Variants in LINGO2 observed in about 807,000 individuals in gnomAD.
The protein encoded by LINGO2 is leucine-rich repeat and immunoglobulin-like domain-containing nogo receptor-interacting protein 2.
Under a neutral mutation model 30.6 loss-of-function variants are expected in LINGO2, and 14 were observed. That is an observed-to-expected ratio of 0.46 (90% CI 0.30 to 0.72). The LOEUF (loss-of-function observed/expected upper bound fraction) is 0.72. LINGO2 is among the 30% of genes least tolerant of loss of function. The probability of loss-of-function intolerance (pLI) is 0.07; values close to 1 mark genes in which losing one functional copy is unlikely to be tolerated. For synonymous variants in LINGO2, 317 were observed against 288.5 expected (o/e 1.10, Z -1.00); for missense variants, 729 against 751.7 (o/e 0.97, Z 0.35).
the LINGO2 span, among the ~76,000 whole-genome samples, chr9:29,072,243 A>G: frequency 2.0e-5 from 3 of 152,144 alleles, no homozygotes; most frequent in African/African-American, 7.2e-5. Flanking sequence ...ATCTCCATAA[A>G]GACTAAATTT....
chr9:28,064,169 C>T (rs899646745), intron 4 of LINGO2, among the ~76,000 whole-genome samples: 1 of 152,134 alleles, frequency 6.6e-6, no homozygotes, highest in Admixed American at 6.6e-5. Flanking sequence ...AGAGAAATGT[C>T]TAATCACCTT....
chr9:28,625,359 G>T (rs555023216), intron 1 of LINGO2, among the ~76,000 whole-genome samples: 1 of 152,246 alleles, frequency 6.6e-6, no homozygotes, highest in South Asian at 2.1e-4. Flanking sequence ...GCCAGGAGAT[G>T]GGGGAGAGGT....
rs1041225081 is a variant in LINGO2, at chr9:28,148,992, C to T, written c.-86-136587G>A. 81 of 1,534,280 alleles carry T rather than the reference C, an allele frequency of 5.3e-5. No individual in the cohort carries two copies. Among genetic ancestry groups the T allele is most frequent in the African/African-American group, 4.2e-4 (31 of 73,090 alleles). On this transcript the variant is annotated intron_variant, in intron 4 of 5. Coordinates refer to ENST00000379992, the Ensembl canonical transcript of LINGO2. The surrounding 1 kb of genome is among the most constrained non-coding windows in gnomAD (Gnocchi z 5.1). The stretch of plus-strand genomic sequence containing the variant: ...TCGGGGCCACCGCTGCAGCTGCAAC[C>T]GACCCCTCCCCTGCAACTGAGGTGG...
the LINGO2 span, among the ~76,000 whole-genome samples, chr9:28,734,936 T>C: frequency 7.9e-5 from 12 of 152,308 alleles, no homozygotes; most frequent in South Asian, 1.4e-3. Flanking sequence ...ATCAGCATAA[T>C]TTAAAAATTC....
chr9:28,915,932 G>A, the LINGO2 span, among the ~76,000 whole-genome samples: 1 of 152,042 alleles, frequency 6.6e-6, no homozygotes, highest in African/African-American at 2.4e-5. Flanking sequence ...ATAAACGGTC[G>A]CGAATTTCTG....
the LINGO2 span, among the ~76,000 whole-genome samples, chr9:29,053,984 A>G: frequency 2.0e-5 from 3 of 152,082 alleles, no homozygotes; most frequent in Non-Finnish European, 4.4e-5. Context: ...GAATTTATAA[A>G]TATTAACTTA....
the LINGO2 span, among the ~76,000 whole-genome samples, chr9:29,159,145 T>C: frequency 3.3e-5 from 5 of 152,254 alleles, no homozygotes; most frequent in Non-Finnish European, 7.4e-5. Flanking sequence ...ATACTGAAGA[T>C]GGAGTTATCT....
At chr9:28,023,553 G>A (rs934230543) in intron 4 of LINGO2, among the ~76,000 whole-genome samples, 8 of 152,092 alleles carry the variant, frequency 5.3e-5, no homozygotes, top group African/African-American at 1.7e-4. Flanking sequence ...GTGGGCTTGC[G>A]TTTTGTGGTT....
chr9:29,152,283 C>T, the LINGO2 span, among the ~76,000 whole-genome samples: 3 of 152,126 alleles, frequency 2.0e-5, no homozygotes, highest in Non-Finnish European at 4.4e-5. Flanking sequence ...ACAAAACTAC[C>T]AATCAACCCA....
Position 28,036,611 on chromosome 9 carries a change from G to A in LINGO2, c.-86-24206C>T, listed in dbSNP as rs534702679. On this transcript the variant is annotated intron_variant, in intron 4 of 5. Transcript: ENST00000379992. Reference sequence around the variant, plus strand: ...AAAAGTGTTGCTTTGGGAAATATGCGAAGAATGACAAAGGGACAAGACTTT... The same window carrying A: ...AAAAGTGTTGCTTTGGGAAATATGCAAAGAATGACAAAGGGACAAGACTTT... Among the ~76,000 whole-genome samples the A allele has an allele frequency of 2.4e-4, 37 of 152,304 alleles. 1 individual carries two copies. Among genetic ancestry groups the A allele is most frequent in the African/African-American group, 8.7e-4 (36 of 41,560 alleles).
At chr9:28,789,224 A>G in the LINGO2 span, among the ~76,000 whole-genome samples, 1 of 152,146 alleles carries the variant, frequency 6.6e-6, no homozygotes, top group Non-Finnish European at 1.5e-5. Context: ...TCCTTTAATG[A>G]AAGTATCTAA....
At chr9:28,153,220 T>A (rs548516353) in intron 4 of LINGO2, among the ~76,000 whole-genome samples, 1 of 152,314 alleles carries the variant, frequency 6.6e-6, no homozygotes, top group Non-Finnish European at 1.5e-5. Context: ...TTAATTTTAT[T>A]TAATTAACAT....
At chr9:28,720,018 T>C in the LINGO2 span, among the ~76,000 whole-genome samples, 26 of 152,178 alleles carry the variant, frequency 1.7e-4, no homozygotes, top group Non-Finnish European at 3.5e-4. Context: ...CCGAAGCATC[T>C]AATTTGAGTT....
chr9:28,471,708 T>C (rs1825527931), intron 2 of LINGO2, among the ~76,000 whole-genome samples: 1 of 152,218 alleles, frequency 6.6e-6, no homozygotes. Context: ...ACTCTTATAC[T>C]ATGTCAGTGG....
chr9:29,193,939 C>A, the LINGO2 span, among the ~76,000 whole-genome samples: 1 of 152,166 alleles, frequency 6.6e-6, no homozygotes. Flanking sequence ...GAAAGCTAGG[C>A]TACCCCTCAA....
At chr9:28,111,942 G>T (rs1826807538) in intron 4 of LINGO2, among the ~76,000 whole-genome samples, 1 of 149,038 alleles carries the variant, frequency 6.7e-6, no homozygotes, top group Non-Finnish European at 1.5e-5. Flanking sequence ...AAGTTTTAGG[G>T]TACATGTGCA....
At chr9:28,669,650 A>G (rs1828938250) in intron 1 of LINGO2, among the ~76,000 whole-genome samples, 1 of 152,078 alleles carries the variant, frequency 6.6e-6, no homozygotes, top group Non-Finnish European at 1.5e-5. Flanking sequence ...ATTCCAAGAA[A>G]AGGAAGTCAC....
At chr9:28,262,586 T>G (rs1272003694) in intron 4 of LINGO2, among the ~76,000 whole-genome samples, 1 of 151,984 alleles carries the variant, frequency 6.6e-6, no homozygotes, top group African/African-American at 2.4e-5. Context: ...TGAATCAGTT[T>G]AAGTTAACAC....
chr9:28,488,037 A>G (rs757407891), intron 1 of LINGO2, among the ~76,000 whole-genome samples: 4 of 152,212 alleles, frequency 2.6e-5, no homozygotes, highest in Non-Finnish European at 5.9e-5. Flanking sequence ...CCCTGCTGAC[A>G]TCTATTTTGA....
Sources: gnomAD v4.1 joint callset for allele counts (sites outside exome capture counted in the v4.1 genomes callset) on GRCh38, gnomAD v4.1.1 for gene constraint, Gnocchi (gnomAD v3.1) non-coding constraint, MANE v1.5 for transcripts, NCBI Gene and HGNC (gene_info 2026-07-23, HGNC 2026-07-21) for gene names.